The following ANKS1B variants were observed in gnomAD, a reference collection of about 807,000 sequenced individuals.
The protein encoded by ANKS1B is ankyrin repeat and sterile alpha motif domain-containing protein 1B.
A neutral mutation model predicts 148.3 loss-of-function variants in ANKS1B; 36 were observed. That is an observed-to-expected ratio of 0.24 (90% CI 0.19 to 0.32). ANKS1B has a LOEUF of 0.32. Ranked by LOEUF, ANKS1B falls within the 10% of genes least tolerant of loss-of-function variation. The pLI is 1.00. For missense variants in ANKS1B, 1,157 were observed against 1,542.6 expected, an observed-to-expected ratio of 0.75 and a Z score of 4.19; for synonymous variants, 542 against 560.8, an observed-to-expected ratio of 0.97 and a Z score of 0.47.
chr12:99,938,989 T>C, intron 1 of ANKS1B, among the ~76,000 whole-genome samples: 1 of 152,210 alleles, frequency 6.6e-6, no homozygotes, highest in East Asian at 1.9e-4. Context: ...TCCTATTTTC[T>C]TTCAGATATA....
At chr12:98,761,139 C>T (rs901679501) in intron 25 of ANKS1B, among the ~76,000 whole-genome samples, 2 of 152,198 alleles carry the variant, frequency 1.3e-5, no homozygotes, top group African/African-American at 4.8e-5. Context: ...GATTCAAGTG[C>T]AGATCTGACT....
intron 9 of ANKS1B, among the ~76,000 whole-genome samples, chr12:99,586,744 C>G (rs539787950): frequency 1.3e-5 from 2 of 152,210 alleles, no homozygotes; most frequent in East Asian, 1.9e-4. Context: ...ACAATTATGG[C>G]GGAAGGTGAA....
At chr12:99,530,055 G>T (rs1359324230) in intron 9 of ANKS1B, among the ~76,000 whole-genome samples, 2 of 152,168 alleles carry the variant, frequency 1.3e-5, no homozygotes. Flanking sequence ...GGTCTCTGTT[G>T]TAACTACTCA....
chr12:99,132,256 G>C lies in ANKS1B; in HGVS notation c.2526+22033C>G, dbSNP rs1366402728. On this transcript the variant is annotated intron_variant, in intron 15 of 26. Coordinates refer to ENST00000683438, the MANE Select transcript of ANKS1B (RefSeq NM_001352186.2). ...AGCCCTGAGAAGAAAGGACCACGAG[G>C]CTCGAAAGGAAGGTGCATTGGCAAG... is the stretch of plus-strand genomic sequence containing the variant. Among the ~76,000 whole-genome samples, 11 of 152,270 alleles carry C rather than the reference G, an allele frequency of 7.2e-5. No individual in the cohort carries two copies. In the East Asian group the frequency reaches 2.1e-3, roughly 29 times the overall value.
intron 17 of ANKS1B, among the ~76,000 whole-genome samples, chr12:98,974,014 C>T (rs1198502218): frequency 1.3e-5 from 2 of 152,104 alleles, no homozygotes; most frequent in Non-Finnish European, 2.9e-5. Context: ...GGTCTTAAAA[C>T]ACAACCCTTG....
intron 12 of ANKS1B, among the ~76,000 whole-genome samples, chr12:99,288,100 C>A (rs1395267716): frequency 6.6e-6 from 1 of 152,056 alleles, no homozygotes; most frequent in Non-Finnish European, 1.5e-5. Flanking sequence ...CCAAAGAAGA[C>A]TACTTTAAGT....
intron 17 of ANKS1B, among the ~76,000 whole-genome samples, chr12:99,038,170 C>T (rs1247939975): frequency 6.6e-6 from 1 of 152,066 alleles, no homozygotes; most frequent in Non-Finnish European, 1.5e-5. Flanking sequence ...AGCTGAAATG[C>T]TTCTATGTAT....
intron 9 of ANKS1B, 96 bp from the exon 10 acceptor site, chr12:99,504,737 T>C: frequency 4.4e-6 from 4 of 916,932 alleles, no homozygotes; most frequent in Non-Finnish European, 6.3e-6. Flanking sequence ...CATTAGTTCT[T>C]TCCAAAGTGA....
At chr12:98,786,454 C>G (rs926868311) in intron 22 of ANKS1B, among the ~76,000 whole-genome samples, 8 of 152,098 alleles carry the variant, frequency 5.3e-5, no homozygotes, top group African/African-American at 1.9e-4. Flanking sequence ...TTTGAAATCA[C>G]CAAGAGAAAG....
intron 17 of ANKS1B, among the ~76,000 whole-genome samples, chr12:99,038,690 C>T (rs532447299): frequency 6.6e-6 from 1 of 152,222 alleles, no homozygotes; most frequent in Non-Finnish European, 1.5e-5. Flanking sequence ...CTGGCTCATG[C>T]TACTACAGCC....
downstream of ANKS1B, among the ~76,000 whole-genome samples, chr12:98,742,006 T>G (rs2097802160): frequency 6.6e-6 from 1 of 152,252 alleles, no homozygotes. Flanking sequence ...TGGTTTTTAT[T>G]ACCACATTGT....
Position 98,810,078 on chromosome 12 carries a change from G to A in ANKS1B, c.3067-2160C>T, listed in dbSNP as rs570488675. 5.3e-5 allele frequency among the ~76,000 whole-genome samples: 8 copies of A among 152,298 alleles called. No homozygotes were observed. The South Asian group carries it at 1.7e-3, about 32-fold the overall frequency. ...AGCTAAACAGGTACTGGCCTTAAGA[G>A]AAGCAATATTTAAACAATTTGCACC... On this transcript the variant is annotated intron_variant, in intron 19 of 26. Transcript: ENST00000683438.
Position 99,598,392 on chromosome 12 carries a change from A to G in ANKS1B, c.1272+56675T>C, listed in dbSNP as rs376359108. On this transcript the variant is annotated intron_variant, in intron 9 of 26. Transcript: ENST00000683438. ...ATTCTATTTGCAAGCTATCATTTTT[A>G]CTTAGATTATCTCTTTCAATCCTCA... 5.9e-5 allele frequency among the ~76,000 whole-genome samples: 9 copies of G among 152,102 alleles called. 1 individual carries two copies. In the East Asian group the frequency reaches 9.6e-4, roughly 16 times the overall value.
intron 9 of ANKS1B, among the ~76,000 whole-genome samples, chr12:99,614,170 C>T (rs1485356789): frequency 1.3e-5 from 2 of 151,942 alleles, no homozygotes; most frequent in Admixed American, 6.6e-5. Context: ...CATGGTGGCT[C>T]ACAACTGTAA....
intron 1 of ANKS1B, among the ~76,000 whole-genome samples, chr12:99,835,841 A>G (rs565935470): frequency 1.6e-4 from 24 of 152,348 alleles, no homozygotes; most frequent in Non-Finnish European, 2.4e-4. Flanking sequence ...TAATACCTAG[A>G]AGATGGGTTG....
rs566843574 is a variant in ANKS1B, at chr12:98,950,950, A to G, written c.2778+102207T>C. On this transcript the variant is annotated intron_variant, in intron 17 of 26. Coordinates refer to ENST00000683438, the MANE Select transcript of ANKS1B (RefSeq NM_001352186.2). ...TGTTCCTTCTAATAGTACTTCTAGA[A>G]CATCTCTTATTTTTTTCTTTTCCAG... 3.3e-5 allele frequency among the ~76,000 whole-genome samples: 5 copies of G among 152,222 alleles called. No individual in the cohort carries two copies. In the South Asian group the frequency reaches 8.3e-4, roughly 25 times the overall value.
intron 17 of ANKS1B, among the ~76,000 whole-genome samples, chr12:98,939,979 G>C (rs1054928221): frequency 7.2e-5 from 11 of 152,218 alleles, no homozygotes; most frequent in African/African-American, 2.4e-4. Flanking sequence ...GATTTTGAGA[G>C]TGAGAAGAGA....
chr12:99,801,095 C>A (rs2066892708), intron 4 of ANKS1B, among the ~76,000 whole-genome samples: 3 of 152,090 alleles, frequency 2.0e-5, no homozygotes. Context: ...GAGTATATTT[C>A]TCTTCCTCTT....
chr12:99,610,776 G>A (rs2097895223), intron 9 of ANKS1B, among the ~76,000 whole-genome samples: 1 of 152,186 alleles, frequency 6.6e-6, no homozygotes, highest in East Asian at 1.9e-4. Flanking sequence ...AGAGATGCTA[G>A]CTGGGTAGAG....
Sources: gnomAD v4.1 joint callset for allele counts (sites outside exome capture counted in the v4.1 genomes callset) on GRCh38, gnomAD v4.1.1 for gene constraint, MANE v1.5 for transcripts, NCBI Gene and HGNC (gene_info 2026-07-23, HGNC 2026-07-21) for gene names.